Variants in TOX3 observed in about 807,000 individuals in gnomAD.
TOX3 encodes CAG trinucleotide repeat-containing gene F9 protein.
Under a neutral mutation model 64.3 loss-of-function variants are expected in TOX3, and 22 were observed. That is an observed-to-expected ratio of 0.34 (90% confidence interval 0.24 to 0.49). TOX3 has a LOEUF of 0.49. TOX3 is among the 20% of genes least tolerant of loss of function. The probability of loss-of-function intolerance (pLI) is 0.99; values close to 1 mark genes in which losing one functional copy is unlikely to be tolerated. For synonymous variants in TOX3, 291 were observed against 273.6 expected (o/e 1.06, Z -0.63); for missense variants, 661 against 714.4 (o/e 0.93, Z 0.85).
chr16:52,478,028 A>C (rs1306658495), intron 1 of TOX3, among the ~76,000 whole-genome samples: 1 of 152,158 alleles, frequency 6.6e-6, no homozygotes, highest in African/African-American at 2.4e-5. Flanking sequence ...TATCTATACT[A>C]ATGGCCAGGT....
intron 1 of TOX3, chr16:52,519,514 T>C: frequency 1.9e-6 from 3 of 1,549,724 alleles, no homozygotes; most frequent in African/African-American, 2.7e-5. Context: ...ATCTAAATCC[T>C]CTCTACCCTC....
chr16:52,444,272 T>A lies in TOX3; in HGVS notation c.987+4A>T. On this transcript the variant is annotated splice_donor_region_variant and intron_variant, in intron 6 of 6. Transcript: ENST00000219746. ...GGAGCCTGGCCGCCCCTGCCCAGGT[T>A]TACCTTAGAAACGAGGCTGGCCCTG... 6.4e-7 allele frequency: 1 copy of A among 1,565,556 alleles called. No homozygotes were observed. The highest frequency in any genetic ancestry group is 1.2e-5 in the South Asian group (1 of 84,042).
In TOX3 at chr16:52,537,200, G is replaced by A. The variant is rs928269304; in HGVS notation, c.87+9437C>T. Among the ~76,000 whole-genome samples the A allele has an allele frequency of 4.6e-4, 70 of 151,622 alleles. 1 individual carries two copies. The highest frequency in any genetic ancestry group is 1.6e-4 in the Non-Finnish European group (11 of 67,888). ...AAACACATACATATGCAAATGTACCGAGACACACACATACACAGTTTACTA... is the reference window on the plus strand; with the variant it reads ...AAACACATACATATGCAAATGTACCAAGACACACACATACACAGTTTACTA... On this transcript the variant is annotated intron_variant, in intron 1 of 6. Transcript: ENST00000219746.
chr16:52,473,498 A>C (rs955078368), intron 1 of TOX3, among the ~76,000 whole-genome samples: 7 of 152,244 alleles, frequency 4.6e-5, no homozygotes, highest in African/African-American at 1.4e-4. Context: ...GCCATGATGG[A>C]TCAAGTGTGC....
intron 1 of TOX3, among the ~76,000 whole-genome samples, chr16:52,504,152 A>G (rs1962085886): frequency 6.6e-6 from 1 of 152,166 alleles, no homozygotes; most frequent in Non-Finnish European, 1.5e-5. Flanking sequence ...AACAAAGCCA[A>G]GTATTTTCCC....
chr16:52,543,501 C>A (rs1407603516), intron 1 of TOX3, among the ~76,000 whole-genome samples: 1 of 152,088 alleles, frequency 6.6e-6, no homozygotes, highest in East Asian at 1.9e-4. Flanking sequence ...AGAAAAATTA[C>A]AAATATATAG....
At chr16:52,483,989 A>G (rs1245732745) in intron 1 of TOX3, among the ~76,000 whole-genome samples, 2 of 152,218 alleles carry the variant, frequency 1.3e-5, no homozygotes, top group East Asian at 1.9e-4. Flanking sequence ...TGTAAAAAAT[A>G]CTAACCAAGG....
intron 1 of TOX3, among the ~76,000 whole-genome samples, chr16:52,493,821 G>A (rs1461101654): frequency 1.3e-5 from 2 of 152,062 alleles, no homozygotes; most frequent in Non-Finnish European, 2.9e-5. Flanking sequence ...ACCCATTTAA[G>A]CACATAATTA....
At chr16:52,504,652 G>A (rs1270329956) in intron 1 of TOX3, among the ~76,000 whole-genome samples, 1 of 152,090 alleles carries the variant, frequency 6.6e-6, no homozygotes, top group Non-Finnish European at 1.5e-5. Flanking sequence ...TTGTTTCATG[G>A]ATGGGGTAAC....
At chr16:52,441,740 T>A (rs1959996283) in intron 6 of TOX3, among the ~76,000 whole-genome samples, 1 of 152,184 alleles carries the variant, frequency 6.6e-6, no homozygotes, top group Non-Finnish European at 1.5e-5. Flanking sequence ...TGTAACCTCA[T>A]ATAGAGAGTC....
chr16:52,482,774 TC>T (rs1567328181), intron 1 of TOX3, among the ~76,000 whole-genome samples: 3 of 152,152 alleles, frequency 2.0e-5, no homozygotes, highest in South Asian at 4.1e-4. Flanking sequence ...CTCCATTTAT[TC>T]CTAACAAAAA....
chr16:52,545,477 G>C (rs1169550217), intron 1 of TOX3, among the ~76,000 whole-genome samples: 3 of 152,142 alleles, frequency 2.0e-5, no homozygotes, highest in African/African-American at 4.8e-5. Flanking sequence ...ACAGCAAACT[G>C]TTCCTCACTC....
chr16:52,506,205 C>G (rs1169698587), intron 1 of TOX3, among the ~76,000 whole-genome samples: 3 of 152,148 alleles, frequency 2.0e-5, no homozygotes, highest in Non-Finnish European at 4.4e-5. Flanking sequence ...GCACAAAGCA[C>G]CTCTCAGGTT....
At chr16:52,519,277 A>G in intron 1 of TOX3, 1 of 947,334 alleles carries the variant, frequency 1.1e-6, no homozygotes, top group Non-Finnish European at 1.5e-6. Context: ...ATTATTCCCA[A>G]CCACTTTCAT....
rs193121793 is a variant in TOX3, at chr16:52,494,737, C to A, written c.88-26163G>T. ...TTTGGTTACATCGCCCATTCAGCCT[C>A]TCCATCAATAAATATTGACTCAGCA... On this transcript the variant is annotated intron_variant, in intron 1 of 6. Transcript: ENST00000219746. Among the ~76,000 whole-genome samples, 3 of 152,344 alleles carry A rather than the reference C, an allele frequency of 2.0e-5. No homozygotes were observed. The East Asian group carries it at 5.8e-4, about 29-fold the overall frequency.
chr16:52,534,898 G>A (rs1962917657), intron 1 of TOX3, among the ~76,000 whole-genome samples: 1 of 152,118 alleles, frequency 6.6e-6, no homozygotes, highest in South Asian at 2.1e-4. Flanking sequence ...AGAAATTTGG[G>A]CCTAAAATGC....
Position 52,485,162 on chromosome 16 carries a change from CATGT to C in TOX3, c.88-16592_88-16589del, listed in dbSNP as rs1961483868. ...GTGTGTATATGTGTGTGTATATATACATGTATGTATATATGCGTGTGTATATGTA... is the reference window on the plus strand; with the variant it reads ...GTGTGTATATGTGTGTGTATATATACATGTATATATGCGTGTGTATATGTA... On this transcript the variant is annotated intron_variant, in intron 1 of 6. Transcript: ENST00000219746. 2.3e-5 allele frequency among the ~76,000 whole-genome samples: 3 copies of C among 133,210 alleles called. 1 individual carries two copies. The highest frequency in any genetic ancestry group is 9.1e-5 in the African/African-American group (3 of 32,956). The allele number at this position is 133,210 out of a possible 152,430, so 87.4% of individuals were successfully genotyped here.
intron 5 of TOX3, chr16:52,444,662 A>T (rs1465233728): frequency 8.1e-6 from 2 of 245,406 alleles, no homozygotes; most frequent in African/African-American, 4.5e-5. Context: ...TCTTGAGAAC[A>T]GCTGAAAACC....
chr16:52,464,233 A>G, intron 2 of TOX3, 45 bp from the exon 3 acceptor site: 12 of 1,396,668 alleles, frequency 8.6e-6, no homozygotes, highest in Non-Finnish European at 1.1e-5. Flanking sequence ...CTGTTCCTAT[A>G]TCTTATTCCT....
Sources: allele counts gnomAD v4.1 joint callset (sites outside exome capture counted in the v4.1 genomes callset), GRCh38; gene constraint gnomAD v4.1.1; transcripts MANE v1.5; gene names NCBI Gene and HGNC (gene_info 2026-07-23, HGNC 2026-07-21).